CEP112: variants seen among roughly 807,000 people sequenced by gnomAD.
CEP112 encodes centrosomal protein 112.
A neutral mutation model predicts 153.0 loss-of-function variants in CEP112; 127 were observed. The ratio of observed to expected loss-of-function variants is 0.83; its 90% CI spans 0.72 to 0.96. CEP112 has a LOEUF of 0.96. Ranked by LOEUF, CEP112 falls within the 40% of genes least tolerant of loss-of-function variation. The pLI is 0.00. For synonymous variants in CEP112, 358 were observed against 374.4 expected, an observed-to-expected ratio of 0.96 and a Z score of 0.51; for missense variants, 1,089 against 1,101.2, an observed-to-expected ratio of 0.99 and a Z score of 0.16.
intron 21 of CEP112, among the ~76,000 whole-genome samples, chr17:65,825,276 G>A (rs1323845756): frequency 6.6e-6 from 1 of 152,212 alleles, no homozygotes; most frequent in Non-Finnish European, 1.5e-5. Flanking sequence ...GTACCCTAGA[G>A]CAATGGTCCT....
At chr17:66,082,000 G>A (rs886104907) in intron 8 of CEP112, among the ~76,000 whole-genome samples, 3 of 151,988 alleles carry the variant, frequency 2.0e-5, no homozygotes, top group African/African-American at 4.8e-5. Context: ...ATTCAATATG[G>A]GTGAAAAGAA....
intron 23 of CEP112, among the ~76,000 whole-genome samples, chr17:65,720,251 C>G (rs958210837): frequency 3.3e-5 from 5 of 152,076 alleles, no homozygotes; most frequent in African/African-American, 1.2e-4. Flanking sequence ...TTTTGATATC[C>G]AGGGAGGTTT....
At chr17:66,100,825 G>C (rs1568489995) in intron 6 of CEP112, among the ~76,000 whole-genome samples, 1 of 151,940 alleles carries the variant, frequency 6.6e-6, no homozygotes, top group Non-Finnish European at 1.5e-5. Context: ...TAGAAAACAA[G>C]AAAACAGTAC....
intron 19 of CEP112, among the ~76,000 whole-genome samples, chr17:65,909,702 C>T (rs967922237): frequency 2.6e-5 from 4 of 152,120 alleles, no homozygotes; most frequent in African/African-American, 9.7e-5. Flanking sequence ...AACATGAGAA[C>T]ATTCACTGGC....
At chr17:66,030,480 A>C (rs1002830771) in intron 12 of CEP112, among the ~76,000 whole-genome samples, 1 of 152,180 alleles carries the variant, frequency 6.6e-6, no homozygotes, top group Non-Finnish European at 1.5e-5. Context: ...TAGCCCCAAA[A>C]TTGTAGCACA....
intron 18 of CEP112, among the ~76,000 whole-genome samples, chr17:65,944,752 G>A (rs910812365): frequency 6.6e-6 from 1 of 151,836 alleles, no homozygotes; most frequent in Non-Finnish European, 1.5e-5. Context: ...ATTTTGTCCA[G>A]ATAATTTTTT....
At chr17:65,935,934 G>C (rs2061290449) in intron 18 of CEP112, among the ~76,000 whole-genome samples, 1 of 151,386 alleles carries the variant, frequency 6.6e-6, no homozygotes, top group South Asian at 2.1e-4. Flanking sequence ...ATAGAGACTA[G>C]AAAAACAATA....
intron 18 of CEP112, among the ~76,000 whole-genome samples, chr17:65,936,963 A>T (rs967283873): frequency 6.0e-5 from 9 of 150,880 alleles, no homozygotes; most frequent in African/African-American, 1.7e-4. Context: ...TTGCAGGCGC[A>T]CGTCACCACG....
At chr17:65,671,023 C>T (rs1211588203) in intron 24 of CEP112, among the ~76,000 whole-genome samples, 1 of 151,750 alleles carries the variant, frequency 6.6e-6, no homozygotes, top group African/African-American at 2.4e-5. Flanking sequence ...ATAGATTATA[C>T]AAAGAATATA....
At chr17:66,184,593 T>A (rs184709820) in intron 1 of CEP112, among the ~76,000 whole-genome samples, 1 of 152,202 alleles carries the variant, frequency 6.6e-6, no homozygotes. Flanking sequence ...ATGCAAACAA[T>A]ACCAAGTGCT....
At position 65,751,950 on chromosome 17, in the gene CEP112, CCTTCTAT is replaced by C. The variant is rs1476203928; in HGVS notation, c.2395-1233_2395-1227del. 2.8e-4 allele frequency among the ~76,000 whole-genome samples: 34 copies of C among 123,210 alleles called. 1 individual carries two copies. In the South Asian group the frequency reaches 0.01, roughly 37 times the overall value. 80.8% of individuals were successfully genotyped at this position (123,210 alleles called of 152,430 possible). A position where few individuals can be genotyped will look rare whatever the true frequency, so the allele number is the denominator to read the frequency against. ...ACTGCGTCATGCCTTGCAATACAGT[CCTTCTAT>C]CTATCTATCTATCTATCTATCTATC... On this transcript the variant is annotated intron_variant, in intron 21 of 26. Coordinates refer to ENST00000535342, the MANE Select transcript of CEP112 (RefSeq NM_001199165.4).
chr17:65,740,605 T>C (rs911480191), intron 23 of CEP112, among the ~76,000 whole-genome samples: 6 of 152,152 alleles, frequency 3.9e-5, no homozygotes, highest in Admixed American at 3.9e-4. Flanking sequence ...GAGTACTAGG[T>C]TTACTCTCTG....
intron 20 of CEP112, among the ~76,000 whole-genome samples, chr17:65,900,104 C>A (rs373761808): frequency 6.6e-6 from 1 of 152,088 alleles, no homozygotes; most frequent in East Asian, 1.9e-4. Context: ...AAGATAAATA[C>A]AAATTATGAG....
intron 8 of CEP112, among the ~76,000 whole-genome samples, chr17:66,077,271 A>T (rs1439280089): frequency 3.9e-5 from 6 of 152,210 alleles, no homozygotes; most frequent in Admixed American, 3.3e-4. Context: ...CATCAGAGAA[A>T]GGTGAAGCCC....
intron 21 of CEP112, among the ~76,000 whole-genome samples, chr17:65,804,588 G>A (rs2055476897): frequency 6.6e-6 from 1 of 151,948 alleles, no homozygotes; most frequent in African/African-American, 2.4e-5. Context: ...TGCATTCTGG[G>A]CAGAATAAGA....
At chr17:65,989,441 C>T (rs952167692) in intron 17 of CEP112, among the ~76,000 whole-genome samples, 7 of 150,448 alleles carry the variant, frequency 4.7e-5, no homozygotes, top group Admixed American at 6.6e-5. Flanking sequence ...CCATACAGCC[C>T]AGGAGGGAGC....
chr17:65,739,951 C>T (rs1156805799), intron 23 of CEP112, among the ~76,000 whole-genome samples: 2 of 152,052 alleles, frequency 1.3e-5, no homozygotes, highest in African/African-American at 4.8e-5. Flanking sequence ...ATTTTTATTG[C>T]TTCTCTGTGC....
chr17:66,046,159 C>T (rs2066196454), intron 12 of CEP112, among the ~76,000 whole-genome samples: 1 of 152,110 alleles, frequency 6.6e-6, no homozygotes, highest in Non-Finnish European at 1.5e-5. Context: ...CCTCCTGCCT[C>T]AGCCTCCCGA....
intron 24 of CEP112, among the ~76,000 whole-genome samples, chr17:65,644,804 T>C (rs1214541985): frequency 6.6e-6 from 1 of 152,192 alleles, no homozygotes; most frequent in Non-Finnish European, 1.5e-5. Context: ...TCCCAACTAC[T>C]TGGGAGGCTG....
Sources: allele counts gnomAD v4.1 joint callset (sites outside exome capture counted in the v4.1 genomes callset), GRCh38; gene constraint gnomAD v4.1.1; transcripts MANE v1.5; gene names NCBI Gene and HGNC (gene_info 2026-07-23, HGNC 2026-07-21).